The following PIEZO2 variants were observed in gnomAD, a reference collection of about 807,000 sequenced individuals.
The protein encoded by PIEZO2 is piezo-type mechanosensitive ion channel component 2.
In PIEZO2, 172 loss-of-function variants were observed where a neutral mutation model predicts 337.3. That is an observed-to-expected ratio of 0.51 (90% CI 0.45 to 0.58). The LOEUF is 0.58. PIEZO2 is among the 20% of genes least tolerant of loss of function. The probability of loss-of-function intolerance (pLI) is 0.00; values close to 1 mark genes in which losing one functional copy is unlikely to be tolerated. For missense variants in PIEZO2, 3,028 were observed against 3,391.3 expected, an observed-to-expected ratio of 0.89 and a Z score of 2.66; for synonymous variants, 1,251 against 1,228.5, an observed-to-expected ratio of 1.02 and a Z score of -0.38.
At chr18:10,930,021 A>C (rs2031985091) in intron 3 of PIEZO2, among the ~76,000 whole-genome samples, 1 of 152,198 alleles carries the variant, frequency 6.6e-6, no homozygotes, top group South Asian at 2.1e-4. Context: ...CTGACAGAAC[A>C]AACTTTTTGT....
intron 15 of PIEZO2, among the ~76,000 whole-genome samples, chr18:10,788,365 C>T (rs900853336): frequency 2.1e-5 from 3 of 144,540 alleles, no homozygotes; most frequent in Non-Finnish European, 3.0e-5. Context: ...GCAGAGATCA[C>T]GCCACTACAC....
Position 10,980,731 on chromosome 18 carries a change from C to T in PIEZO2, c.161-1071G>A, listed in dbSNP as rs1221699154. Among the ~76,000 whole-genome samples, 2 of 151,970 alleles carry T rather than the reference C, an allele frequency of 1.3e-5. No homozygotes were observed. The highest frequency in any genetic ancestry group is 2.9e-5 in the Non-Finnish European group (2 of 67,960). On this transcript the variant is annotated intron_variant, in intron 2 of 55. Transcript: ENST00000674853. The surrounding 1 kb of genome is among the most constrained non-coding windows in gnomAD (Gnocchi z 4.8). ...AACATACCTCTTCATTAACAATAAT[C>T]AAAAAGAAATAAGATGCAATTTTAT...
At chr18:10,976,924 C>T (rs886075473) in intron 3 of PIEZO2, among the ~76,000 whole-genome samples, 5 of 151,638 alleles carry the variant, frequency 3.3e-5, no homozygotes, top group African/African-American at 7.3e-5. Flanking sequence ...CTTCATGGTA[C>T]TAGTAGAGGT....
rs375811293 is a variant in PIEZO2 at position 10,715,919 on chromosome 18, G to A, written c.5090-103C>T. On this transcript the variant is annotated intron_variant, in intron 37 of 55. Coordinates refer to ENST00000674853, the MANE Select transcript of PIEZO2 (RefSeq NM_001378183.1). ...TTACCAAAGCTGGACCTGGCTCTTGGCCCGTGCATCTAATAAGGCATGTGA... is the reference window on the plus strand; with the variant it reads ...TTACCAAAGCTGGACCTGGCTCTTGACCCGTGCATCTAATAAGGCATGTGA... 4.3e-6 allele frequency: 4 copies of A among 922,524 alleles called. No homozygotes were observed. In the African/African-American group the frequency reaches 5.0e-5, roughly 12 times the overall value. The allele number at this position is 922,524 out of a possible 1,614,324, so 57.1% of individuals were successfully genotyped here.
chr18:10,972,428 A>AAGGCC (rs2034279220), intron 3 of PIEZO2, among the ~76,000 whole-genome samples: 1 of 152,156 alleles, frequency 6.6e-6, no homozygotes. Flanking sequence ...AAATATTCGG[A>AAGGCC]AGGCCAGGCC....
At chr18:10,957,393 CA>C (rs2033584375) in intron 3 of PIEZO2, among the ~76,000 whole-genome samples, 1 of 115,088 alleles carries the variant, frequency 8.7e-6, no homozygotes, top group African/African-American at 3.4e-5. Flanking sequence ...ACTCTTGTCT[CA>C]AAACAAACCA....
rs2038820763 is a variant in PIEZO2, at chr18:11,083,514, G to A, written c.65-17292C>T. Among the ~76,000 whole-genome samples, 1 of 152,182 alleles carries A rather than the reference G, an allele frequency of 6.6e-6. No individual in the cohort carries two copies. Among genetic ancestry groups the A allele is most frequent in the African/African-American group, 2.4e-5 (1 of 41,450 alleles). ...GGGGAACTAGAGAGAGGAGAAGCCT[G>A]TACACAAAGGGGGAGCCACTCAGGT... On this transcript the variant is annotated intron_variant, in intron 1 of 55. Coordinates refer to ENST00000674853, the MANE Select transcript of PIEZO2 (RefSeq NM_001378183.1). The surrounding 1 kb of genome is among the most constrained non-coding windows in gnomAD (Gnocchi z 4.4).
chr18:10,759,923 A>T lies in PIEZO2; in HGVS notation c.3451-14T>A, dbSNP rs1372537820. 1.3e-6 allele frequency: 2 copies of T among 1,530,036 alleles called. No individual in the cohort carries two copies. Among genetic ancestry groups the T allele is most frequent in the Admixed American group, 3.9e-5 (2 of 50,882 alleles). 94.8% of individuals were successfully genotyped at this position (1,530,036 alleles called of 1,614,324 possible). A position where few individuals can be genotyped will look rare whatever the true frequency, so the allele number is the denominator to read the frequency against. On this transcript the variant is annotated splice_polypyrimidine_tract_variant and intron_variant, in intron 24 of 55. Coordinates refer to ENST00000674853, the MANE Select transcript of PIEZO2 (RefSeq NM_001378183.1). This position sits in a 1 kb window ranked among gnomAD's most constrained non-coding sequence, Gnocchi z 5.5. The stretch of plus-strand genomic sequence containing the variant: ...TAGGAAACAGGTCTGTGTAAAGATG[A>T]AAAGAGGCAAAAAAAAAAAATCAGG...
At chr18:10,876,177 T>C (rs2042263905) in intron 4 of PIEZO2, among the ~76,000 whole-genome samples, 1 of 152,140 alleles carries the variant, frequency 6.6e-6, no homozygotes. Context: ...ATGCCAGTCC[T>C]CAGAAATGCA....
intron 7 of PIEZO2, among the ~76,000 whole-genome samples, chr18:10,843,439 T>C (rs917695849): frequency 1.3e-5 from 2 of 152,112 alleles, no homozygotes; most frequent in African/African-American, 2.4e-5. Flanking sequence ...AAAAAGTCAA[T>C]CTTTCTACTT....
chr18:10,697,129 G>T (rs539716531), intron 45 of PIEZO2, among the ~76,000 whole-genome samples: 1 of 152,288 alleles, frequency 6.6e-6, no homozygotes, highest in East Asian at 1.9e-4. Context: ...CCTTAGTGTG[G>T]TGTCCTGTTG....
chr18:10,778,912 C>T (rs975882401), intron 18 of PIEZO2, among the ~76,000 whole-genome samples: 1 of 152,160 alleles, frequency 6.6e-6, no homozygotes, highest in Admixed American at 6.5e-5. Flanking sequence ...TCTCAGCTTT[C>T]TCTTTACAAA....
intron 2 of PIEZO2, among the ~76,000 whole-genome samples, chr18:11,018,903 C>T (rs2036216913): frequency 6.6e-6 from 1 of 152,116 alleles, no homozygotes; most frequent in Non-Finnish European, 1.5e-5. Context: ...TCCCAAAACA[C>T]TTCTTCACCT....
rs2144740893 is a variant in PIEZO2, at chr18:10,863,338, A to T, written c.493-6127T>A. 6.6e-6 allele frequency among the ~76,000 whole-genome samples: 1 copy of T among 152,328 alleles called. No homozygotes were observed. The highest frequency in any genetic ancestry group is 1.5e-5 in the Non-Finnish European group (1 of 68,038). ...GTGTACCTTATGCAAGCCTAACGTGATCGCATTTAATGGATAAAGCAAATA... is the reference window on the plus strand; with the variant it reads ...GTGTACCTTATGCAAGCCTAACGTGTTCGCATTTAATGGATAAAGCAAATA... On this transcript the variant is annotated intron_variant, in intron 5 of 55. Transcript: ENST00000674853. This position sits in a 1 kb window ranked among gnomAD's most constrained non-coding sequence, Gnocchi z 4.3.
rs886417183 is a variant in PIEZO2, at chr18:11,047,228, T to C, written c.160+18899A>G. Among the ~76,000 whole-genome samples, 1 of 152,152 alleles carries C rather than the reference T, an allele frequency of 6.6e-6. No homozygotes were observed. Among genetic ancestry groups the C allele is most frequent in the Admixed American group, 6.5e-5 (1 of 15,278 alleles). ...TTGCTCTCAGAGAATGGACGCAAAC[T>C]TGTCCGAGCTGTTGGATGGTCAGCT... is the stretch of plus-strand genomic sequence containing the variant. On this transcript the variant is annotated intron_variant, in intron 2 of 55. Transcript: ENST00000674853. This position sits in a 1 kb window ranked among gnomAD's most constrained non-coding sequence, Gnocchi z 7.2.
Position 10,672,677 on chromosome 18 carries a change from A to C in PIEZO2, c.8345+13T>G, listed in dbSNP as rs374858552. Reference sequence around the variant, plus strand: ...AGACTCTTGTAACTGTGAATTGTTCAATGAGTCCTTACCCATAGCCAGCCA... The same window carrying C: ...AGACTCTTGTAACTGTGAATTGTTCCATGAGTCCTTACCCATAGCCAGCCA... On this transcript the variant is annotated intron_variant, in intron 55 of 55. Transcript: ENST00000674853. The surrounding 1 kb of genome is among the most constrained non-coding windows in gnomAD (Gnocchi z 4.7). 1 of 1,607,438 alleles carries C rather than the reference A, an allele frequency of 6.2e-7. No individual in the cohort carries two copies. Among genetic ancestry groups the C allele is most frequent in the African/African-American group, 1.3e-5 (1 of 74,472 alleles).
At chr18:10,689,198 C>T (rs757891232) in intron 49 of PIEZO2, among the ~76,000 whole-genome samples, 11 of 152,060 alleles carry the variant, frequency 7.2e-5, no homozygotes, top group Non-Finnish European at 1.3e-4. Context: ...ATATTTAAAC[C>T]TTAATATTCA....
chr18:10,826,214 A>G (rs181531589), intron 7 of PIEZO2, among the ~76,000 whole-genome samples: 1 of 152,248 alleles, frequency 6.6e-6, no homozygotes, highest in African/African-American at 2.4e-5. Context: ...ACAGCTCCTC[A>G]TTGCTTCTAG....
intron 3 of PIEZO2, among the ~76,000 whole-genome samples, chr18:10,935,250 C>T (rs948849564): frequency 6.6e-6 from 1 of 152,164 alleles, no homozygotes; most frequent in Non-Finnish European, 1.5e-5. Flanking sequence ...CGATGCCACA[C>T]ATGATTATGA....
Sources: allele counts gnomAD v4.1 joint callset (sites outside exome capture counted in the v4.1 genomes callset), GRCh38; gene constraint gnomAD v4.1.1; non-coding constraint Gnocchi (gnomAD v3.1); transcripts MANE v1.5; gene names NCBI Gene and HGNC (gene_info 2026-07-23, HGNC 2026-07-21).